SLC22A3: variants seen among roughly 807,000 people sequenced by gnomAD.
The protein encoded by SLC22A3 is EMT organic cation transporter 3.
A neutral mutation model predicts 59.1 loss-of-function variants in SLC22A3; 51 were observed. The observed-to-expected ratio is 0.86, with a 90% CI of 0.69 to 1.09. SLC22A3 has a LOEUF of 1.09. Ranked by LOEUF, SLC22A3 falls within the 50% of genes least tolerant of loss-of-function variation. The pLI is 0.00. For missense variants in SLC22A3, 711 were observed against 726.3 expected (o/e 0.98, Z 0.24); for synonymous variants, 325 against 292.0 (o/e 1.11, Z -1.15).
chr6:160,380,849 G>T (rs1047413701), intron 1 of SLC22A3, among the ~76,000 whole-genome samples: 1 of 152,098 alleles, frequency 6.6e-6, no homozygotes, highest in African/African-American at 2.4e-5. Context: ...AAAATACAAC[G>T]GCATTGGGAC....
At chr6:160,417,033 C>A (rs1221094496) in intron 5 of SLC22A3, among the ~76,000 whole-genome samples, 1 of 152,152 alleles carries the variant, frequency 6.6e-6, no homozygotes, top group Non-Finnish European at 1.5e-5. Context: ...TTGTATTAAT[C>A]CTCTCAGCTA....
intron 1 of SLC22A3, among the ~76,000 whole-genome samples, chr6:160,386,403 G>T (rs1483245006): frequency 6.6e-6 from 1 of 152,174 alleles, no homozygotes; most frequent in African/African-American, 2.4e-5. Flanking sequence ...TGCAGTTCTT[G>T]GTTTTTAGGG....
intron 3 of SLC22A3, among the ~76,000 whole-genome samples, chr6:160,408,534 G>A (rs1447469237): frequency 6.6e-6 from 1 of 152,192 alleles, no homozygotes; most frequent in Non-Finnish European, 1.5e-5. Flanking sequence ...AACATGGCAA[G>A]TGCCTGTGAT....
At position 160,414,780 on chromosome 6, in the gene SLC22A3, C is replaced by T. The variant is rs1442233094; in HGVS notation, c.975+3934C>T. Among the ~76,000 whole-genome samples the T allele has an allele frequency of 1.3e-5, 2 of 152,192 alleles. 1 individual carries two copies. Among genetic ancestry groups the T allele is most frequent in the East Asian group, 3.9e-4 (2 of 5,194 alleles). On this transcript the variant is annotated intron_variant, in intron 5 of 10. Transcript: ENST00000275300. ...GGTAACCATCCCCATGATTCAATTA[C>T]CTCTCACTGGGTTCCTCCTATGACA...
intron 10 of SLC22A3, among the ~76,000 whole-genome samples, chr6:160,450,063 AAAC>A (rs552651120): frequency 1.9e-3 from 285 of 152,320 alleles, no homozygotes; most frequent in Non-Finnish European, 3.1e-3. Flanking sequence ...TAAACATCTT[AAAC>A]AACAGAAAAC....
intron 1 of SLC22A3, among the ~76,000 whole-genome samples, chr6:160,369,760 C>T (rs77313707): frequency 0.013 from 2,040 of 152,250 alleles, 41 homozygotes; most frequent in Middle Eastern, 0.075. Context: ...ATTCTACTTA[C>T]TATTGTTGTG....
chr6:160,441,107 A>G (rs1788520356), intron 7 of SLC22A3, among the ~76,000 whole-genome samples: 1 of 152,056 alleles, frequency 6.6e-6, no homozygotes, highest in Non-Finnish European at 1.5e-5. Context: ...GAAACATACA[A>G]TGGAAGAACC....
chr6:160,443,892 ATCT>A (rs1440394218), intron 9 of SLC22A3, 150 bp downstream of exon 9: 4 of 446,738 alleles, frequency 9.0e-6, no homozygotes, highest in African/African-American at 2.0e-5. Flanking sequence ...TATTAATTTC[ATCT>A]TATTATAATA....
intron 10 of SLC22A3, 42 bp from the exon 11 acceptor site, chr6:160,450,954 T>C: frequency 6.5e-7 from 1 of 1,536,284 alleles, no homozygotes; most frequent in Non-Finnish European, 8.9e-7. Flanking sequence ...TTCTAACTAG[T>C]TACATAATCT....
At chr6:160,416,477 AC>A (rs1787499359) in intron 5 of SLC22A3, among the ~76,000 whole-genome samples, 2 of 151,876 alleles carry the variant, frequency 1.3e-5, no homozygotes, top group African/African-American at 4.8e-5. Flanking sequence ...AAAAAAAAAA[AC>A]AAATTATGGG....
At position 160,410,837 on chromosome 6, in the gene SLC22A3, T is replaced by C. The variant is rs745551605; in HGVS notation, c.966T>C (p.Asn322=). The change falls in exon 5 of 11, where the codon AAT becomes AAC. Residue 322 remains asparagine, a synonymous_variant. Coordinates refer to ENST00000275300, the MANE Select transcript of SLC22A3 (RefSeq NM_021977.4). ...AKCNGKYLSS[N]YSEITVTDEE... is the part of the protein sequence containing the mutation. ...GCAATGGGAAATACCTCTCATCAAA[T>C]TACTCAGAGGTAATTTCTTTCAGTA... 4.4e-6 allele frequency: 7 copies of C among 1,594,278 alleles called. No individual in the cohort carries two copies.
rs1321459421 is a variant in SLC22A3 at position 160,436,812 on chromosome 6, A to T, written c.1008A>T (p.Pro336=). The T allele has an allele frequency of 2.5e-6, 4 of 1,613,090 alleles. No homozygotes were observed. The highest frequency in any genetic ancestry group is 3.4e-6 in the Non-Finnish European group (4 of 1,179,242). ...TTACAGATGAGGAAGTTAGTAATCC[A>T]TCCTTTTTAGATCTGGTGAGAACTC... ...ITVTDEEVSN[P]SFLDLVRTPQ... The change falls in exon 6 of 11, where the codon CCA becomes CCT. Residue 336 remains proline (P), a synonymous_variant. Transcript: ENST00000275300.
At chr6:160,429,044 G>T (rs1788061055) in intron 5 of SLC22A3, among the ~76,000 whole-genome samples, 2 of 152,168 alleles carry the variant, frequency 1.3e-5, no homozygotes, top group Admixed American at 6.6e-5. Context: ...AAGGACATGA[G>T]CACCTCAGCT....
chr6:160,365,313 A>T (rs2114761137), intron 1 of SLC22A3, among the ~76,000 whole-genome samples: 1 of 152,310 alleles, frequency 6.6e-6, no homozygotes, highest in East Asian at 1.9e-4. Flanking sequence ...TTAAGATGTC[A>T]TGAAAAATTG....
chr6:160,359,399 A>C (rs1784944345), intron 1 of SLC22A3, among the ~76,000 whole-genome samples: 1 of 152,230 alleles, frequency 6.6e-6, no homozygotes. Flanking sequence ...CAATGGGGAC[A>C]AAAATTTATT....
intron 2 of SLC22A3, among the ~76,000 whole-genome samples, chr6:160,403,045 A>G (rs1786852919): frequency 6.6e-6 from 1 of 151,652 alleles, no homozygotes; most frequent in Admixed American, 6.6e-5. Context: ...TTGGAGCAGA[A>G]ATCGATAAAA....
rs1356148165 is a variant in SLC22A3, at chr6:160,408,662, G to A, written c.689-91G>A. ...GCTAGCGTGTTCTAGCAATGCTGAT[G>A]GATGTAACAGGTGTAACATCTCTGT... is the stretch of plus-strand genomic sequence containing the variant. On this transcript the variant is annotated intron_variant, in intron 3 of 10. Transcript: ENST00000275300. The A allele has an allele frequency of 4.9e-6, 6 of 1,234,738 alleles. No homozygotes were observed. The South Asian group carries it at 6.5e-5, about 13-fold the overall frequency. 76.5% of individuals were successfully genotyped at this position (1,234,738 alleles called of 1,614,324 possible).
chr6:160,447,645 G>T, intron 9 of SLC22A3, 74 bp from the exon 10 acceptor site: 2 of 1,259,412 alleles, frequency 1.6e-6, no homozygotes, highest in South Asian at 1.2e-5. Flanking sequence ...GATGGCTTCA[G>T]AGTGAGCAGG....
Position 160,437,140 on chromosome 6 carries a change from G to A in SLC22A3, c.1217G>A (p.Arg406Gln), listed in dbSNP as rs758000438. The A allele has an allele frequency of 1.4e-5, 22 of 1,614,030 alleles. No individual in the cohort carries two copies. Among genetic ancestry groups the A allele is most frequent in the South Asian group, 5.5e-5 (5 of 91,088 alleles). ...LILLTIERLG[R>Q]RLPFAASNIV... The stretch of plus-strand genomic sequence containing the variant: ...TTACTAACCATTGAGCGCCTTGGAC[G>A]ACGCCTCCCCTTTGCGGCAAGCAAT... Residue 406 changes from arginine to glutamine, a missense_variant, in exon 7 of 11, where the codon CGA becomes CAA. Transcript: ENST00000275300.
Sources: allele counts gnomAD v4.1 joint callset (sites outside exome capture counted in the v4.1 genomes callset), GRCh38; gene constraint gnomAD v4.1.1; transcripts MANE v1.5; gene names NCBI Gene and HGNC (gene_info 2026-07-23, HGNC 2026-07-21).